Variants in USP15 observed in about 807,000 individuals in gnomAD.
The protein encoded by USP15 is ubiquitin specific peptidase 15.
In USP15, 18 loss-of-function variants were observed where a neutral mutation model predicts 127.1. That is an observed-to-expected ratio of 0.14 (90% CI 0.10 to 0.21). The LOEUF (loss-of-function observed/expected upper bound fraction) is 0.21, where lower values mean the gene tolerates loss of function less well. Among genes scored for constraint, USP15 ranks in the 10% least tolerant of loss-of-function variants. The pLI is 1.00. For synonymous variants in USP15, 364 were observed against 393.7 expected (o/e 0.92, Z 0.89); for missense variants, 805 against 1,159.9 (o/e 0.69, Z 4.44).
rs1281719324 is a variant in USP15, at chr12:62,411,122, A to G, written c.*6747A>G. The G allele has an allele frequency of 6.6e-6, 1 of 152,192 alleles. No homozygotes were observed. The highest frequency in any genetic ancestry group is 1.5e-5 in the Non-Finnish European group (1 of 68,028). 9.4% of individuals were successfully genotyped at this position (152,192 alleles called of 1,614,324 possible). ...CTGCTAAGCTTTAATTTGTTTATGCAGAAATAAGGGAAAAGGACCCTAGAG... is the reference window on the plus strand; with the variant it reads ...CTGCTAAGCTTTAATTTGTTTATGCGGAAATAAGGGAAAAGGACCCTAGAG... On this transcript the variant is annotated 3_prime_UTR_variant, in exon 22 of 22. Coordinates refer to ENST00000280377, the MANE Select transcript of USP15 (RefSeq NM_001252078.2).
At chr12:62,396,431 A>T (rs774369556) in intron 20 of USP15, 33 bp downstream of exon 20, 1 of 1,585,162 alleles carries the variant, frequency 6.3e-7, no homozygotes, top group Non-Finnish European at 8.7e-7. Flanking sequence ...TACCCAAATC[A>T]TGGTGTTTGA....
chr12:62,389,394 AAAT>A, intron 11 of USP15, 34 bp from the exon 12 acceptor site: 1 of 1,566,200 alleles, frequency 6.4e-7, no homozygotes, highest in Non-Finnish European at 8.7e-7. Flanking sequence ...TTTTTTTCCA[AAAT>A]AATAAATTCA....
intron 2 of USP15, among the ~76,000 whole-genome samples, chr12:62,298,948 A>G (rs1348568823): frequency 6.6e-6 from 1 of 152,030 alleles, no homozygotes; most frequent in Non-Finnish European, 1.5e-5. Flanking sequence ...AACACTGTTA[A>G]TCAACTTGAC....
intron 8 of USP15, among the ~76,000 whole-genome samples, chr12:62,369,107 A>T (rs187411187): frequency 6.6e-6 from 1 of 152,214 alleles, no homozygotes; most frequent in African/African-American, 2.4e-5. Context: ...TGAGGTAGAC[A>T]TATAAATAAG....
chr12:62,270,226 T>C (rs1475738036), intron 1 of USP15, among the ~76,000 whole-genome samples: 2 of 152,136 alleles, frequency 1.3e-5, no homozygotes, highest in African/African-American at 4.8e-5. Context: ...TTATTTTGTC[T>C]TTTTATTATT....
intron 3 of USP15, among the ~76,000 whole-genome samples, chr12:62,311,783 A>G (rs1048685624): frequency 2.0e-5 from 3 of 151,908 alleles, no homozygotes; most frequent in African/African-American, 7.2e-5. Flanking sequence ...CTAGGTTAAA[A>G]GACACTTAAG....
Position 62,357,037 on chromosome 12 carries a change from A to T in USP15, c.915+1562A>T, listed in dbSNP as rs187036778. On this transcript the variant is annotated intron_variant, in intron 8 of 21. Transcript: ENST00000280377. Reference sequence around the variant, plus strand: ...AAATTACTTTGGTTCCAGATGCTTGATATCAGCTAGAGTTTTTTTTCCTAG... The same window carrying T: ...AAATTACTTTGGTTCCAGATGCTTGTTATCAGCTAGAGTTTTTTTTCCTAG... Among the ~76,000 whole-genome samples the T allele has an allele frequency of 1.5e-4, 23 of 152,144 alleles. No homozygotes were observed. The Middle Eastern group carries it at 0.01, about 67-fold the overall frequency.
chr12:62,357,221 A>G (rs1043280925), intron 8 of USP15, among the ~76,000 whole-genome samples: 4 of 152,070 alleles, frequency 2.6e-5, no homozygotes, highest in Non-Finnish European at 5.9e-5. Context: ...AATTCCTTCT[A>G]AAGCAATACT....
chr12:62,375,665 T>C (rs911156142), intron 8 of USP15, among the ~76,000 whole-genome samples: 1 of 152,164 alleles, frequency 6.6e-6, no homozygotes, highest in Non-Finnish European at 1.5e-5. Context: ...GAATTTCTTA[T>C]AGGGGATGAA....
At chr12:62,352,413 A>G (rs1271472584) in intron 7 of USP15, among the ~76,000 whole-genome samples, 1 of 151,758 alleles carries the variant, frequency 6.6e-6, no homozygotes, top group African/African-American at 2.4e-5. Flanking sequence ...TATCTGTCAG[A>G]TTGTCTTTCT....
rs181386462 is a variant in USP15 at position 62,300,370 on chromosome 12, A to G, written c.218-2420A>G. ...TAACTTCATCCTTTTGCATGTGGAT[A>G]TTAAGTTGTCCAGTAAGCTTTTTAA... On this transcript the variant is annotated intron_variant, in intron 2 of 21. Coordinates refer to ENST00000280377, the MANE Select transcript of USP15 (RefSeq NM_001252078.2). 8.5e-5 allele frequency among the ~76,000 whole-genome samples: 13 copies of G among 152,298 alleles called. 1 individual carries two copies. Among genetic ancestry groups the G allele is most frequent in the African/African-American group, 2.6e-4 (11 of 41,574 alleles).
At chr12:62,325,064 G>A (rs961284066) in intron 5 of USP15, among the ~76,000 whole-genome samples, 5 of 151,728 alleles carry the variant, frequency 3.3e-5, no homozygotes, top group African/African-American at 7.3e-5. Context: ...TGGTATTATC[G>A]TATATTTCCT....
chr12:62,386,970 A>C (rs2067169119), intron 11 of USP15, among the ~76,000 whole-genome samples: 1 of 152,190 alleles, frequency 6.6e-6, no homozygotes, highest in Non-Finnish European at 1.5e-5. Flanking sequence ...TTCAAAGATG[A>C]TGCCAAGTTT....
intron 8 of USP15, 144 bp from the exon 9 acceptor site, chr12:62,381,346 T>C (rs1209923407): frequency 1.7e-6 from 1 of 585,122 alleles, no homozygotes; most frequent in African/African-American, 1.9e-5. Context: ...AGTGTTTATT[T>C]GACCAGTTAT....
chr12:62,269,100 A>G (rs2063276285), intron 1 of USP15, among the ~76,000 whole-genome samples: 1 of 152,142 alleles, frequency 6.6e-6, no homozygotes. Context: ...TTACTGCTGA[A>G]TGATACAGTC....
At chr12:62,377,142 C>G (rs1002164224) in intron 8 of USP15, among the ~76,000 whole-genome samples, 2 of 151,940 alleles carry the variant, frequency 1.3e-5, no homozygotes, top group Non-Finnish European at 2.9e-5. Flanking sequence ...ATAATCACAT[C>G]AGGGTAAATT....
At position 62,415,015 on chromosome 12, in the gene USP15, A is replaced by G. The variant is rs949305888; in HGVS notation, c.*10640A>G. ...TATATGTACATATATATATATATATATGAGGGAGAGAAAGATTTATAAGGA... is the reference window on the plus strand; with the variant it reads ...TATATGTACATATATATATATATATGTGAGGGAGAGAAAGATTTATAAGGA... On this transcript the variant is annotated 3_prime_UTR_variant, in exon 22 of 22. Transcript: ENST00000280377. 1.8e-5 allele frequency: 2 copies of G among 114,016 alleles called. No individual in the cohort carries two copies. Among genetic ancestry groups the G allele is most frequent in the Non-Finnish European group, 3.7e-5 (2 of 53,358 alleles). 7.1% of individuals were successfully genotyped at this position (114,016 alleles called of 1,614,324 possible).
At position 62,356,070 on chromosome 12, in the gene USP15, T is replaced by C. The variant is rs903427822; in HGVS notation, c.915+595T>C. On this transcript the variant is annotated intron_variant, in intron 8 of 21. Transcript: ENST00000280377. ...TGATTCTGAAGTAATGAGAGAGATA[T>C]ATTTTTTAATATCACTGTTACTGTG... 2.0e-5 allele frequency among the ~76,000 whole-genome samples: 3 copies of C among 151,808 alleles called. No homozygotes were observed. The South Asian group carries it at 6.2e-4, about 32-fold the overall frequency.
At chr12:62,275,246 G>A (rs1019287065) in intron 1 of USP15, among the ~76,000 whole-genome samples, 1 of 152,078 alleles carries the variant, frequency 6.6e-6, no homozygotes, top group Non-Finnish European at 1.5e-5. Flanking sequence ...TCAAGAACTT[G>A]AGGACTAGCT....
Sources: gnomAD v4.1 joint callset for allele counts (sites outside exome capture counted in the v4.1 genomes callset) on GRCh38, gnomAD v4.1.1 for gene constraint, MANE v1.5 for transcripts, NCBI Gene and HGNC (gene_info 2026-07-23, HGNC 2026-07-21) for gene names.